The following TEX261 variants were observed in gnomAD, a reference collection of about 807,000 sequenced individuals.
TEX261 encodes the protein protein TEX261.
A neutral mutation model predicts 25.1 loss-of-function variants in TEX261; 13 were observed. The ratio of observed to expected loss-of-function variants is 0.52; its 90% CI spans 0.34 to 0.82. The LOEUF is 0.82. TEX261 is among the 40% of genes least tolerant of loss of function. The probability of loss-of-function intolerance (pLI) is 0.02; values close to 1 mark genes in which losing one functional copy is unlikely to be tolerated. For missense variants in TEX261, 206 were observed against 243.2 expected (o/e 0.85, Z 1.02); for synonymous variants, 92 against 97.8 (o/e 0.94, Z 0.35).
At position 70,988,483 on chromosome 2, in the gene TEX261, G is replaced by C. The variant is rs782449552; in HGVS notation, c.*117C>G. 1.3e-6 allele frequency: 1 copy of C among 764,006 alleles called. No individual in the cohort carries two copies. Among genetic ancestry groups the C allele is most frequent in the Non-Finnish European group, 2.3e-6 (1 of 441,288 alleles). The allele number at this position is 764,006 out of a possible 1,614,324, so 47.3% of individuals were successfully genotyped here. ...GTGGGGATGGGGCTCCAGAGTTGAG[G>C]GGAAGAAAGCCAGGGCAGGTGGTAG... is the stretch of plus-strand genomic sequence containing the variant. On this transcript the variant is annotated 3_prime_UTR_variant, in exon 6 of 6. Coordinates refer to ENST00000272438, the MANE Select transcript of TEX261 (RefSeq NM_144582.3).
At chr2:70,992,626 G>A (rs1013173614) in intron 2 of TEX261, among the ~76,000 whole-genome samples, 3 of 151,996 alleles carry the variant, frequency 2.0e-5, no homozygotes. Flanking sequence ...CTACTCGGGA[G>A]GCTGAGGCAG....
intron 3 of TEX261, among the ~76,000 whole-genome samples, chr2:70,990,871 T>C (rs1396697879): frequency 1.3e-5 from 2 of 152,182 alleles, no homozygotes; most frequent in Non-Finnish European, 2.9e-5. Flanking sequence ...CTGGTCTCCA[T>C]GGAAGGGCTC....
chr2:70,990,536 G>A (rs1670283036), intron 3 of TEX261, among the ~76,000 whole-genome samples: 1 of 152,132 alleles, frequency 6.6e-6, no homozygotes, highest in Non-Finnish European at 1.5e-5. Flanking sequence ...AGTCATCCCT[G>A]CCGGTTCCCA....
At chr2:70,994,486 A>T in intron 1 of TEX261, 1 of 673,574 alleles carries the variant, frequency 1.5e-6, no homozygotes, top group Non-Finnish European at 2.4e-6. Context: ...GGACTCTGTG[A>T]CACCTGGAAG....
At chr2:70,989,355 T>G (rs1670257737) in intron 4 of TEX261, 2 of 439,212 alleles carry the variant, frequency 4.6e-6, no homozygotes, top group African/African-American at 2.0e-5. Context: ...AGGTTCAAAC[T>G]GGAGCAGCAG....
chr2:70,989,862 A>C, intron 3 of TEX261, 46 bp from the exon 4 acceptor site: 1 of 1,459,570 alleles, frequency 6.9e-7, no homozygotes. Flanking sequence ...GAATAACAGA[A>C]AGCTGTACTT....
Position 70,986,877 on chromosome 2 carries a change from C to T in TEX261, c.*1723G>A, listed in dbSNP as rs1345871899. 6.6e-6 allele frequency: 1 copy of T among 152,196 alleles called. No homozygotes were observed. Among genetic ancestry groups the T allele is most frequent in the African/African-American group, 2.4e-5 (1 of 41,404 alleles). The allele number at this position is 152,196 out of a possible 1,614,324, so 9.4% of individuals were successfully genotyped here. ...CCTGAAAGACCCTACTGTGCATGGG[C>T]AAGTGGAGAAGCCTGCACGGAAGCC... On this transcript the variant is annotated 3_prime_UTR_variant, in exon 6 of 6. Coordinates refer to ENST00000272438, the MANE Select transcript of TEX261 (RefSeq NM_144582.3).
In TEX261 at chr2:70,987,572, C is replaced by T. The variant is rs558755863; in HGVS notation, c.*1028G>A. Reference sequence around the variant, plus strand: ...ATGCAGGTCTGTGCCCAAGACCTGGCCTGCCTTCTTAGAAGGCAGATATAT... The same window carrying T: ...ATGCAGGTCTGTGCCCAAGACCTGGTCTGCCTTCTTAGAAGGCAGATATAT... On this transcript the variant is annotated 3_prime_UTR_variant, in exon 6 of 6. Coordinates refer to ENST00000272438, the MANE Select transcript of TEX261 (RefSeq NM_144582.3). The T allele has an allele frequency of 5.0e-4, 77 of 152,700 alleles. No homozygotes were observed. The highest frequency in any genetic ancestry group is 1.7e-3 in the African/African-American group (69 of 41,540). The allele number at this position is 152,700 out of a possible 1,614,324, so 9.5% of individuals were successfully genotyped here.
In TEX261 at chr2:70,988,465, T is replaced by C; in HGVS notation, c.*135A>G. 1 of 674,016 alleles carries C rather than the reference T, an allele frequency of 1.5e-6. No individual in the cohort carries two copies. The highest frequency in any genetic ancestry group is 1.8e-5 in the South Asian group (1 of 56,540). The allele number at this position is 674,016 out of a possible 1,614,324, so 41.8% of individuals were successfully genotyped here. The stretch of plus-strand genomic sequence containing the variant: ...CTGAGCCCCCCAAGGAGGGTGGGGA[T>C]GGGGCTCCAGAGTTGAGGGGAAGAA... On this transcript the variant is annotated 3_prime_UTR_variant, in exon 6 of 6. Coordinates refer to ENST00000272438, the MANE Select transcript of TEX261 (RefSeq NM_144582.3).
At position 70,988,656 on chromosome 2, in the gene TEX261, C is replaced by T; in HGVS notation, c.535G>A (p.Val179Ile). 6.2e-7 allele frequency: 1 copy of T among 1,614,196 alleles called. No individual in the cohort carries two copies. Among genetic ancestry groups the T allele is most frequent in the Non-Finnish European group, 8.5e-7 (1 of 1,180,038 alleles). ...GCCTCTTTGATGAAGGAGAAGACAA[C>T]CAGGATCCCTAAGCGTTTGCCCCGC... Reference protein sequence around the residue: ...GKRGKRLGILVVFSFIKEAIL... With the variant: ...GKRGKRLGILIVFSFIKEAIL... Residue 179 changes from valine to isoleucine, a missense_variant, in exon 6 of 6, where the codon GTT (valine) becomes ATT (isoleucine). By Grantham distance (29) the Val-to-Ile change is conservative. Transcript: ENST00000272438.
Position 70,987,892 on chromosome 2 carries a change from A to G in TEX261, c.*708T>C, listed in dbSNP as rs1267497455. 1 of 152,492 alleles carries G rather than the reference A, an allele frequency of 6.6e-6. No individual in the cohort carries two copies. Among genetic ancestry groups the G allele is most frequent in the Non-Finnish European group, 1.5e-5 (1 of 68,096 alleles). The allele number at this position is 152,492 out of a possible 1,614,324, so 9.4% of individuals were successfully genotyped here. A position where few individuals can be genotyped will look rare whatever the true frequency, so the allele number is the denominator to read the frequency against. ...GGAGCCTTGGGGAAAGAGATGGAAG[A>G]GAGTGCATCAGAGAGGCTGCCTATA... is the stretch of plus-strand genomic sequence containing the variant. On this transcript the variant is annotated 3_prime_UTR_variant, in exon 6 of 6. Transcript: ENST00000272438.
chr2:70,989,682 A>G, intron 4 of TEX261, 67 bp downstream of exon 4: 2 of 1,086,756 alleles, frequency 1.8e-6, no homozygotes, highest in South Asian at 2.6e-5. Context: ...TTTATAAAGT[A>G]AACCATGCAA....
Position 70,991,859 on chromosome 2 carries a change from A to G in TEX261, c.275T>C (p.Leu92Pro). The G allele has an allele frequency of 1.2e-6, 2 of 1,613,652 alleles. No individual in the cohort carries two copies. The highest frequency in any genetic ancestry group is 1.7e-6 in the Non-Finnish European group (2 of 1,179,808). The change falls in exon 3 of 6, where the codon CTG becomes CCG. Residue 92 changes from leucine (L) to proline (P), a missense_variant. Physicochemically the swap from Leu to Pro is moderately conservative, Grantham distance 98 (BLOSUM62 -3). Transcript: ENST00000272438. ...GLLQTFPFIM[L>P]TSPNFILSCG... ...CGACAGGATGAAGTTAGGCGAGGTC[A>G]GCATGATGAAGGGGAAGGTCTGGAG...
intron 2 of TEX261, among the ~76,000 whole-genome samples, 184 bp from the exon 3 acceptor site, chr2:70,992,167 A>T (rs1289703741): frequency 1.4e-5 from 2 of 144,202 alleles, no homozygotes; most frequent in African/African-American, 2.6e-5. Context: ...TTTTTTTGAG[A>T]CGGAGTCTCA....
intron 5 of TEX261, 78 bp from the exon 6 acceptor site, chr2:70,988,793 T>C (rs996482898): frequency 8.9e-5 from 136 of 1,520,980 alleles, no homozygotes; most frequent in Non-Finnish European, 1.2e-4. Context: ...AACACGGCCC[T>C]CCCAACCCCG....
rs1670268058 is a variant in TEX261, at chr2:70,989,832, AG to A, written c.305-17del. ...ACCACTAGTCCTGTTGAGGGAATGA[AG>A]AGTCAGTCAGTTTAAGGGGAATAAC... On this transcript the variant is annotated splice_polypyrimidine_tract_variant and intron_variant, in intron 3 of 5. Transcript: ENST00000272438. 6 of 1,595,466 alleles carry A rather than the reference AG, an allele frequency of 3.8e-6. 1 individual carries two copies. The highest frequency in any genetic ancestry group is 5.2e-6 in the Non-Finnish European group (6 of 1,163,102).
intron 3 of TEX261, among the ~76,000 whole-genome samples, chr2:70,990,111 G>A (rs531905617): frequency 7.2e-5 from 11 of 152,280 alleles, no homozygotes; most frequent in South Asian, 4.1e-4. Flanking sequence ...GATGAACCTC[G>A]TTTTTCGTGG....
intron 2 of TEX261, 104 bp from the exon 3 acceptor site, chr2:70,992,087 A>G: frequency 6.9e-6 from 8 of 1,152,128 alleles, no homozygotes; most frequent in Admixed American, 3.4e-5. Context: ...TCATGCTTCA[A>G]TCTCCTCATT....
chr2:70,994,222 G>A (rs1553425965), intron 1 of TEX261, among the ~76,000 whole-genome samples: 1 of 152,230 alleles, frequency 6.6e-6, no homozygotes, highest in African/African-American at 2.4e-5. Context: ...ACAGGGCACT[G>A]CTGGACCATC....
Sources: allele counts gnomAD v4.1 joint callset (sites outside exome capture counted in the v4.1 genomes callset), GRCh38; gene constraint gnomAD v4.1.1; transcripts MANE v1.5; gene names NCBI Gene and HGNC (gene_info 2026-07-23, HGNC 2026-07-21).